The following RGPD2 variants were observed in gnomAD, a reference collection of about 807,000 sequenced individuals.
RGPD2 encodes the protein RANBP2-like and GRIP domain-containing protein 2.
Under a neutral mutation model 36.0 loss-of-function variants are expected in RGPD2, and 2 were observed. The ratio of observed to expected loss-of-function variants is 0.06; its 90% CI spans 0.02 to 0.17. The LOEUF (loss-of-function observed/expected upper bound fraction) is 0.17. Ranked by LOEUF, RGPD2 falls within the 10% of genes least tolerant of loss-of-function variation. The pLI, the probability that RGPD2 is intolerant of heterozygous loss-of-function variation, is 1.00. For missense variants in RGPD2, 40 were observed against 464.3 expected (o/e 0.09, Z 8.40); for synonymous variants, 19 against 163.8 (o/e 0.12, Z 6.75).
At chr2:87,957,265 A>G in the RGPD2 span, among the ~76,000 whole-genome samples, 2,967 of 143,262 alleles carry the variant, frequency 0.021, 88 homozygotes, top group African/African-American at 0.077. Flanking sequence ...TGAGATTTAT[A>G]AGAAGAGACA....
chr2:87,970,115 T>C, the RGPD2 span, among the ~76,000 whole-genome samples: 1 of 151,604 alleles, frequency 6.6e-6, no homozygotes, highest in African/African-American at 2.4e-5. Context: ...TTCTTCCTTT[T>C]TTTTCTGAGA....
At chr2:87,875,945 T>C in the RGPD2 span, among the ~76,000 whole-genome samples, 2 of 152,022 alleles carry the variant, frequency 1.3e-5, no homozygotes, top group African/African-American at 4.8e-5. Context: ...CTTGGTAGAT[T>C]GTATGTGTGC....
the RGPD2 span, among the ~76,000 whole-genome samples, chr2:87,857,103 A>G: frequency 6.6e-6 from 1 of 152,266 alleles, no homozygotes; most frequent in Non-Finnish European, 1.5e-5. Flanking sequence ...CCAAAACAGA[A>G]GAATGTAATT....
the RGPD2 span, among the ~76,000 whole-genome samples, chr2:87,962,552 AG>A: frequency 6.6e-6 from 1 of 152,090 alleles, no homozygotes; most frequent in South Asian, 2.1e-4. Context: ...AAGAAAATCT[AG>A]TTTGGAGTGG....
chr2:87,909,215 T>G, the RGPD2 span, among the ~76,000 whole-genome samples: 1 of 152,100 alleles, frequency 6.6e-6, no homozygotes, highest in Non-Finnish European at 1.5e-5. Flanking sequence ...TCAGAGGGAA[T>G]GTAGGCATTT....
chr2:87,769,617 C>T (rs1240931083), intron 22 of RGPD2, among the ~76,000 whole-genome samples: 3 of 151,770 alleles, frequency 2.0e-5, no homozygotes, highest in African/African-American at 7.3e-5. Context: ...ATTAAACATG[C>T]TGAGCTTTTA....
the RGPD2 span, among the ~76,000 whole-genome samples, chr2:87,885,303 C>A: frequency 1.3e-5 from 2 of 152,160 alleles, no homozygotes; most frequent in South Asian, 4.1e-4. Flanking sequence ...AACTTAACAT[C>A]ATTTTATGAT....
At chr2:87,961,209 C>A in the RGPD2 span, among the ~76,000 whole-genome samples, 2 of 152,186 alleles carry the variant, frequency 1.3e-5, no homozygotes, top group Non-Finnish European at 2.9e-5. Context: ...AGCCCTATAG[C>A]CATGCCAAAC....
chr2:87,809,249 G>A (rs1156326381), intron 6 of RGPD2, among the ~76,000 whole-genome samples: 131 of 151,434 alleles, frequency 8.7e-4, no homozygotes, highest in Admixed American at 1.3e-3. Context: ...AGCTTGCAGT[G>A]AGCCGAGATG....
the RGPD2 span, among the ~76,000 whole-genome samples, chr2:87,877,368 C>A: frequency 2.9e-4 from 44 of 152,376 alleles, no homozygotes; most frequent in African/African-American, 1.1e-3. Flanking sequence ...TTTAGTGCTT[C>A]CTTTAGAAGC....
chr2:87,984,978 T>G, the RGPD2 span, among the ~76,000 whole-genome samples: 20 of 134,176 alleles, frequency 1.5e-4, no homozygotes, highest in Non-Finnish European at 2.4e-4. Flanking sequence ...CTAAAACATA[T>G]AGAATGGTAC....
the RGPD2 span, chr2:87,989,070 A>G: frequency 5.9e-6 from 2 of 337,720 alleles, no homozygotes; most frequent in Non-Finnish European, 1.1e-5. Context: ...GTAAATCACA[A>G]TTACTTCATG....
At chr2:87,806,063 T>G (rs1453432183) in intron 7 of RGPD2, among the ~76,000 whole-genome samples, 1 of 151,410 alleles carries the variant, frequency 6.6e-6, no homozygotes, top group African/African-American at 2.4e-5. Context: ...CTCGGGAGGC[T>G]GAGGCAGGAG....
At chr2:87,873,037 C>G in the RGPD2 span, among the ~76,000 whole-genome samples, 2 of 152,408 alleles carry the variant, frequency 1.3e-5, no homozygotes, top group East Asian at 3.9e-4. Flanking sequence ...GGATTACAGG[C>G]ATGAGCCACC....
chr2:87,951,895 AT>A, the RGPD2 span, among the ~76,000 whole-genome samples: 34 of 150,494 alleles, frequency 2.3e-4, no homozygotes, highest in Middle Eastern at 3.2e-3. Context: ...AAACACTCTT[AT>A]CTAGCCTCTT....
At chr2:87,860,035 T>C in the RGPD2 span, among the ~76,000 whole-genome samples, 1 of 149,052 alleles carries the variant, frequency 6.7e-6, no homozygotes, top group Non-Finnish European at 1.5e-5. Context: ...AGGTCAACTC[T>C]GTCCAATTAT....
At chr2:87,838,112 TCA>T in the RGPD2 span, among the ~76,000 whole-genome samples, 40 of 151,708 alleles carry the variant, frequency 2.6e-4, no homozygotes, top group African/African-American at 5.3e-4. Flanking sequence ...CCAGTTGAAT[TCA>T]CAGTCAAGTA....
chr2:87,966,901 T>TGC, the RGPD2 span, among the ~76,000 whole-genome samples: 1 of 116,838 alleles, frequency 8.6e-6, no homozygotes, highest in Non-Finnish European at 1.8e-5. Context: ...CAGTCCGGCC[T>TGC]GGGCGACAGA....
At chr2:87,983,050 T>C in the RGPD2 span, among the ~76,000 whole-genome samples, 1 of 138,314 alleles carries the variant, frequency 7.2e-6, no homozygotes, top group African/African-American at 2.7e-5. Context: ...CCAGGAGCCA[T>C]GGTTCACACC....
Sources: gnomAD v4.1 joint callset for allele counts (sites outside exome capture counted in the v4.1 genomes callset) on GRCh38, gnomAD v4.1.1 for gene constraint, MANE v1.5 for transcripts, NCBI Gene and HGNC (gene_info 2026-07-23, HGNC 2026-07-21) for gene names.